NIPAL2: variants seen among roughly 807,000 people sequenced by gnomAD.
NIPAL2 encodes the protein NIPA like domain containing 2.
NIPAL2 carries 43 observed loss-of-function variants against 48.9 expected under a neutral mutation model. The observed-to-expected ratio is 0.88, with a 90% CI of 0.69 to 1.13. NIPAL2 has a LOEUF of 1.13. Among genes scored for constraint, NIPAL2 ranks in the 50% most tolerant of loss-of-function variants. The probability of loss-of-function intolerance (pLI) is 0.00; values close to 1 mark genes in which losing one functional copy is unlikely to be tolerated. For missense variants in NIPAL2, 446 were observed against 461.4 expected (o/e 0.97, Z 0.31); for synonymous variants, 167 against 174.6 (o/e 0.96, Z 0.34).
intron 9 of NIPAL2, 106 bp downstream of exon 9, chr8:98,195,836 G>A (rs2130683162): frequency 2.8e-6 from 2 of 715,482 alleles, no homozygotes; most frequent in Admixed American, 3.1e-5. Flanking sequence ...GGAAACTGAT[G>A]TTTCTTATAT....
chr8:98,268,086 TAGTG>T (rs1437683263), intron 1 of NIPAL2, among the ~76,000 whole-genome samples: 1 of 152,188 alleles, frequency 6.6e-6, no homozygotes, highest in Non-Finnish European at 1.5e-5. Context: ...GTTTTTAAAT[TAGTG>T]AGCAGAAACA....
intron 8 of NIPAL2, among the ~76,000 whole-genome samples, chr8:98,202,651 G>A (rs1810857667): frequency 6.6e-6 from 1 of 152,172 alleles, no homozygotes; most frequent in Non-Finnish European, 1.5e-5. Context: ...CTGACAAGAA[G>A]CAGATGCTGG....
chr8:98,286,669 C>T (rs565811898), intron 1 of NIPAL2, among the ~76,000 whole-genome samples: 3 of 151,946 alleles, frequency 2.0e-5, no homozygotes, highest in South Asian at 2.1e-4. Flanking sequence ...ATTATCTGGG[C>T]GTGGTGGTAC....
At chr8:98,194,852 A>G (rs1810472740) in intron 9 of NIPAL2, 30 bp from the exon 10 acceptor site, 5 of 1,309,554 alleles carry the variant, frequency 3.8e-6, no homozygotes. Context: ...AAAGAATACA[A>G]GAACACTGAA....
chr8:98,272,726 T>C (rs1490404647), intron 1 of NIPAL2, among the ~76,000 whole-genome samples: 1 of 151,948 alleles, frequency 6.6e-6, no homozygotes, highest in African/African-American at 2.4e-5. Flanking sequence ...ACAATTCTCC[T>C]GTCTCAGGCT....
chr8:98,287,534 G>A (rs550137696), intron 1 of NIPAL2, among the ~76,000 whole-genome samples: 1 of 152,282 alleles, frequency 6.6e-6, no homozygotes, highest in East Asian at 1.9e-4. Context: ...CATTTGCAAT[G>A]AGCTGAGTCC....
At position 98,249,404 on chromosome 8, in the gene NIPAL2, A is replaced by G. The variant is rs576181997; in HGVS notation, c.376+3059T>C. Among the ~76,000 whole-genome samples, 30 of 152,194 alleles carry G rather than the reference A, an allele frequency of 2.0e-4. 1 individual carries two copies. The South Asian group carries it at 6.0e-3, about 31-fold the overall frequency. On this transcript the variant is annotated intron_variant, in intron 3 of 10. Coordinates refer to ENST00000430223, the MANE Select transcript of NIPAL2 (RefSeq NM_001321635.2). ...AGAAAGGAAAACATGGGTAGAGGGC[A>G]AGTTGAAATGCCTATATTGCTAACT...
chr8:98,229,447 A>C (rs1016377257), intron 4 of NIPAL2, among the ~76,000 whole-genome samples: 1 of 152,192 alleles, frequency 6.6e-6, no homozygotes, highest in Non-Finnish European at 1.5e-5. Context: ...ATCATAGCTC[A>C]CTGCAGCCTC....
chr8:98,253,942 A>C (rs1350373871), intron 2 of NIPAL2, 77 bp downstream of exon 2: 2 of 840,070 alleles, frequency 2.4e-6, no homozygotes, highest in Non-Finnish European at 3.7e-6. Context: ...CAAAGACAAA[A>C]GTGCCCAATG....
chr8:98,262,208 A>C (rs1279375254), intron 1 of NIPAL2, among the ~76,000 whole-genome samples: 1 of 151,852 alleles, frequency 6.6e-6, no homozygotes, highest in Admixed American at 6.6e-5. Flanking sequence ...GACTAGGAAG[A>C]AACTGCATCA....
At position 98,236,227 on chromosome 8, in the gene NIPAL2, T is replaced by C; in HGVS notation, c.377-13A>G. 1 of 1,573,658 alleles carries C rather than the reference T, an allele frequency of 6.4e-7. No homozygotes were observed. The highest frequency in any genetic ancestry group is 1.1e-5 in the South Asian group (1 of 87,140). ...ATAATGGCACTACCTATAAAGAAAA[T>C]GGCCATTAGTGGTAGTTCCAATATA... On this transcript the variant is annotated splice_polypyrimidine_tract_variant and intron_variant, in intron 3 of 10. Coordinates refer to ENST00000430223, the MANE Select transcript of NIPAL2 (RefSeq NM_001321635.2).
At chr8:98,265,424 C>T (rs1472475036) in intron 1 of NIPAL2, among the ~76,000 whole-genome samples, 1 of 125,636 alleles carries the variant, frequency 8.0e-6, no homozygotes, top group Admixed American at 8.3e-5. Context: ...TGAACTCAAA[C>T]AAATTTACAA....
At chr8:98,275,636 T>G (rs1242133073) in intron 1 of NIPAL2, among the ~76,000 whole-genome samples, 1 of 152,256 alleles carries the variant, frequency 6.6e-6, no homozygotes, top group African/African-American at 2.4e-5. Flanking sequence ...ATTGCTGGTT[T>G]GTGTGGTAAG....
At chr8:98,216,862 T>G (rs955131654) in intron 5 of NIPAL2, among the ~76,000 whole-genome samples, 1 of 152,236 alleles carries the variant, frequency 6.6e-6, no homozygotes, top group African/African-American at 2.4e-5. Flanking sequence ...CGTTTGCTCA[T>G]AGGTATTACT....
At chr8:98,275,501 C>A (rs1815408572) in intron 1 of NIPAL2, among the ~76,000 whole-genome samples, 1 of 152,158 alleles carries the variant, frequency 6.6e-6, no homozygotes, top group South Asian at 2.1e-4. Flanking sequence ...ATTATTCACT[C>A]ATTGAATGAC....
chr8:98,279,129 T>C (rs2130895954), intron 1 of NIPAL2, among the ~76,000 whole-genome samples: 1 of 152,322 alleles, frequency 6.6e-6, no homozygotes, highest in East Asian at 1.9e-4. Context: ...TAAATTTATT[T>C]AATACATTTC....
intron 4 of NIPAL2, among the ~76,000 whole-genome samples, chr8:98,226,199 C>T (rs1169408919): frequency 1.3e-5 from 2 of 152,140 alleles, no homozygotes; most frequent in East Asian, 3.9e-4. Context: ...AACCTTGCCT[C>T]TCCAGGATTG....
In NIPAL2 at chr8:98,252,485, C is replaced by A. The variant is rs763533937; in HGVS notation, c.354G>T (p.Pro118=). 45 of 1,612,928 alleles carry A rather than the reference C, an allele frequency of 2.8e-5. No individual in the cohort carries two copies. Among genetic ancestry groups the A allele is most frequent in the Middle Eastern group, 1.7e-4 (1 of 6,044 alleles). Residue 118 remains proline (P), a synonymous_variant, in exon 3 of 11, where the codon CCG becomes CCT. Transcript: ENST00000430223. ...TACCTGTAACAGACACACAGCCTAA[C>A]GGAGCGATCAGAGTAATGGGAGCAA... The part of the protein sequence containing the change: ...YGFAPITLIA[P]LGCVSVTGSA...
intron 5 of NIPAL2, among the ~76,000 whole-genome samples, 186 bp downstream of exon 5, chr8:98,222,293 C>T (rs1164108089): frequency 1.3e-5 from 2 of 151,992 alleles, no homozygotes; most frequent in Non-Finnish European, 2.9e-5. Flanking sequence ...GAAAGGATAC[C>T]TGGGAAACTA....
Sources: gnomAD v4.1 joint callset for allele counts (sites outside exome capture counted in the v4.1 genomes callset) on GRCh38, gnomAD v4.1.1 for gene constraint, MANE v1.5 for transcripts, NCBI Gene and HGNC (gene_info 2026-07-23, HGNC 2026-07-21) for gene names.